Variants in SORBS2 observed in about 807,000 individuals in gnomAD.
The protein encoded by SORBS2 is sorbin and SH3 domain containing 2, also known as sorbin and SH3 domain-containing protein 2.
Under a neutral mutation model 97.7 loss-of-function variants are expected in SORBS2, and 46 were observed. That is an observed-to-expected ratio of 0.47 (90% CI 0.37 to 0.60). The LOEUF is 0.60. SORBS2 is among the 20% of genes least tolerant of loss of function. The pLI, the probability that SORBS2 is intolerant of heterozygous loss-of-function variation, is 0.00. For synonymous variants in SORBS2, 476 were observed against 473.4 expected, an observed-to-expected ratio of 1.01 and a Z score of -0.07; for missense variants, 1,316 against 1,282.3, an observed-to-expected ratio of 1.03 and a Z score of -0.40.
At position 185,733,821 on chromosome 4, in the gene SORBS2, C is replaced by A. The variant is rs575642606; in HGVS notation, c.-198+41406G>T. Among the ~76,000 whole-genome samples the A allele has an allele frequency of 2.0e-5, 3 of 152,302 alleles. No individual in the cohort carries two copies. In the South Asian group the frequency reaches 6.2e-4, roughly 32 times the overall value. On this transcript the variant is annotated intron_variant, in intron 2 of 20. Transcript: ENST00000284776. ...TCTTGATATCCTTGCTTTCTCCTGG[C>A]CTCATTTCCTCTGATGTTCCCCTGC...
intron 1 of SORBS2, among the ~76,000 whole-genome samples, chr4:185,938,892 T>C (rs1427433665): frequency 2.0e-5 from 3 of 152,254 alleles, no homozygotes; most frequent in African/African-American, 7.2e-5. Context: ...TTATGTCCGC[T>C]TCAAAGCACG....
intron 1 of SORBS2, among the ~76,000 whole-genome samples, chr4:185,802,758 A>T (rs1346351688): frequency 6.6e-6 from 1 of 152,176 alleles, no homozygotes; most frequent in African/African-American, 2.4e-5. Context: ...CTTAAAAATC[A>T]TGTGTCACCT....
chr4:185,908,303 ATATATATATATATATATATT>A (rs2099252567), intron 1 of SORBS2, among the ~76,000 whole-genome samples: 1 of 102,176 alleles, frequency 9.8e-6, no homozygotes. Context: ...ATATATATAT[ATATATATATATATATATATT>A]TGTATACACA....
At chr4:185,861,669 G>A (rs2099223868) in intron 1 of SORBS2, among the ~76,000 whole-genome samples, 3 of 151,162 alleles carry the variant, frequency 2.0e-5, no homozygotes, top group Non-Finnish European at 2.9e-5. Flanking sequence ...GCAGTGGTGC[G>A]ATCTTGGCTT....
intron 8 of SORBS2, among the ~76,000 whole-genome samples, chr4:185,619,168 T>C (rs1455636905): frequency 1.3e-5 from 2 of 152,218 alleles, no homozygotes; most frequent in East Asian, 3.8e-4. Flanking sequence ...CCTAGAGGGC[T>C]CAGGAATCCT....
intron 2 of SORBS2, among the ~76,000 whole-genome samples, chr4:185,679,428 C>G (rs1486065534): frequency 2.0e-5 from 3 of 152,110 alleles, no homozygotes; most frequent in African/African-American, 7.2e-5. Context: ...AGCTAGTAAG[C>G]TGTGGAAAAT....
At chr4:185,787,761 G>GT (rs2153642043) in intron 1 of SORBS2, among the ~76,000 whole-genome samples, 1 of 152,228 alleles carries the variant, frequency 6.6e-6, no homozygotes, top group South Asian at 2.1e-4. Flanking sequence ...TTCCCGTATT[G>GT]TTCCTACCGC....
chr4:185,818,203 T>C (rs2099194478), intron 1 of SORBS2, among the ~76,000 whole-genome samples: 1 of 152,186 alleles, frequency 6.6e-6, no homozygotes. Context: ...TGTTTGTTTG[T>C]TTTTGAGATG....
intron 4 of SORBS2, 104 bp from the exon 16 acceptor site, chr4:185,635,515 T>C (rs2096981357): frequency 1.2e-6 from 1 of 839,694 alleles, no homozygotes. Context: ...CAGTTAGAAA[T>C]TGAGTGTTGA....
At chr4:185,904,446 A>C (rs2099249543) in intron 1 of SORBS2, among the ~76,000 whole-genome samples, 1 of 152,132 alleles carries the variant, frequency 6.6e-6, no homozygotes, top group South Asian at 2.1e-4. Context: ...CAGGCTTTGG[A>C]CTGTGGAGAG....
At chr4:185,734,326 T>C (rs1339848443) in intron 2 of SORBS2, among the ~76,000 whole-genome samples, 172 bp from the exon 3 acceptor site, 7 of 152,208 alleles carry the variant, frequency 4.6e-5, no homozygotes, top group African/African-American at 1.7e-4. Flanking sequence ...GAAAGGAAAC[T>C]GGGTGGATAC....
At chr4:185,838,580 G>A (rs530997095) in intron 1 of SORBS2, among the ~76,000 whole-genome samples, 16 of 152,286 alleles carry the variant, frequency 1.1e-4, no homozygotes, top group Non-Finnish European at 2.2e-4. Context: ...CACAACAGCC[G>A]CCCAAAAGCT....
chr4:185,868,428 T>C (rs918489880), intron 1 of SORBS2, among the ~76,000 whole-genome samples: 1 of 151,920 alleles, frequency 6.6e-6, no homozygotes, highest in African/African-American at 2.4e-5. Context: ...AGTGCTGGGA[T>C]TACAGGCATG....
intron 2 of SORBS2, chr4:185,651,796 T>C (rs1226088940): frequency 6.6e-7 from 1 of 1,505,648 alleles, no homozygotes; most frequent in Non-Finnish European, 9.2e-7. Flanking sequence ...GCATTGTATG[T>C]ATAAGGAGTA....
chr4:185,670,122 G>A (rs1269656000), intron 4 of SORBS2, among the ~76,000 whole-genome samples: 1 of 152,074 alleles, frequency 6.6e-6, no homozygotes, highest in Non-Finnish European at 1.5e-5. Context: ...TGGAGGCTGA[G>A]GCAGGAGAAT....
chr4:185,950,048 T>C (rs1279502124), intron 1 of SORBS2, among the ~76,000 whole-genome samples: 1 of 152,146 alleles, frequency 6.6e-6, no homozygotes, highest in Non-Finnish European at 1.5e-5. Context: ...GGTCAGGAGT[T>C]CGAAACCAGC....
chr4:185,604,206 G>A (rs879080873), intron 12 of SORBS2, among the ~76,000 whole-genome samples: 12 of 152,168 alleles, frequency 7.9e-5, no homozygotes, highest in East Asian at 3.8e-4. Flanking sequence ...TAGAGGCCAC[G>A]CCCATGATGT....
chr4:185,941,966 A>G (rs1045032285), intron 1 of SORBS2, among the ~76,000 whole-genome samples: 1 of 151,860 alleles, frequency 6.6e-6, no homozygotes, highest in African/African-American at 2.4e-5. Context: ...AAATACAAAA[A>G]TTTGCCAGGT....
At chr4:185,753,592 A>C (rs948561507) in intron 2 of SORBS2, among the ~76,000 whole-genome samples, 3 of 152,178 alleles carry the variant, frequency 2.0e-5, no homozygotes, top group Admixed American at 6.5e-5. Context: ...TTGTTTTGGG[A>C]GTTAAAAGAA....
Sources: allele counts gnomAD v4.1 joint callset (sites outside exome capture counted in the v4.1 genomes callset), GRCh38; gene constraint gnomAD v4.1.1; transcripts MANE v1.5; gene names NCBI Gene and HGNC (gene_info 2026-07-23, HGNC 2026-07-21).